Variants in RSBN1 observed in about 807,000 individuals in gnomAD.
RSBN1 encodes the protein lysine-specific demethylase 9.
A neutral mutation model predicts 74.8 loss-of-function variants in RSBN1; 23 were observed. The observed-to-expected ratio is 0.31, with a 90% confidence interval of 0.22 to 0.44. The LOEUF (loss-of-function observed/expected upper bound fraction) is 0.44, where lower values mean the gene tolerates loss of function less well. RSBN1 is among the 20% of genes least tolerant of loss of function. The pLI is 1.00. For missense variants in RSBN1, 808 were observed against 1,020.9 expected, an observed-to-expected ratio of 0.79 and a Z score of 2.84; for synonymous variants, 407 against 379.6, an observed-to-expected ratio of 1.07 and a Z score of -0.84.
At chr1:113,783,663 T>C (rs764052797) in intron 2 of RSBN1, among the ~76,000 whole-genome samples, 21 of 152,126 alleles carry the variant, frequency 1.4e-4, no homozygotes, top group Non-Finnish European at 2.5e-4. Flanking sequence ...ACATATGCAA[T>C]CTTCAGGGCA....
intron 1 of RSBN1, among the ~76,000 whole-genome samples, chr1:113,804,127 A>C (rs1217376): frequency 0.77 from 116,414 of 151,678 alleles, 45,595 homozygotes; most frequent in African/African-American, 0.9. Flanking sequence ...TCAGAAAAAA[A>C]AAAAAGTTAT....
At chr1:113,775,805 A>G (rs1660013084) in intron 4 of RSBN1, among the ~76,000 whole-genome samples, 1 of 152,250 alleles carries the variant, frequency 6.6e-6, no homozygotes, top group Non-Finnish European at 1.5e-5. Context: ...GCTATAATCT[A>G]GCAATGTGCA....
In RSBN1 at chr1:113,777,333, G is replaced by A. The variant is rs1270484102; in HGVS notation, c.1535C>T (p.Thr512Ile). 4 of 1,611,052 alleles carry A rather than the reference G, an allele frequency of 2.5e-6. No homozygotes were observed. The highest frequency in any genetic ancestry group is 2.5e-6 in the Non-Finnish European group (3 of 1,178,320). ...ACACTGGAGTCGGAGGCTAGAAAGT[G>A]TACCCCAGGGCAAAGTCATCTAGAA... ...PFLKMTLPWG[T>I]LSSLRLQCRS... Residue 512 changes from threonine to isoleucine, a missense_variant, in exon 4 of 7, where the codon ACA (threonine) becomes ATA (isoleucine). Transcript: ENST00000261441.
In RSBN1 at chr1:113,812,193, C is replaced by T; in HGVS notation, c.220G>A (p.Glu74Lys). 6.2e-7 allele frequency: 1 copy of T among 1,608,638 alleles called. No individual in the cohort carries two copies. ...GGGGAGACCCCAGCATGAGGTTTCT[C>T]CTTCCCCTCTTTGTCCGGCTCCTCC... ...AQEEPDKEGKEKPHAGVSPRG... is the reference protein window; with the variant it reads ...AQEEPDKEGKKKPHAGVSPRG... The change falls in exon 1 of 7, where the codon GAG becomes AAG. Residue 74 changes from glutamate to lysine, a missense_variant. By Grantham distance (56) the Glu-to-Lys change is moderately conservative. This residue lies in a region of RSBN1 where 464 missense variants were observed against 401.0 expected (regional missense o/e 1.16). Coordinates refer to ENST00000261441, the MANE Select transcript of RSBN1 (RefSeq NM_018364.5).
At chr1:113,807,328 AC>A (rs1442723157) in intron 1 of RSBN1, among the ~76,000 whole-genome samples, 10 of 151,640 alleles carry the variant, frequency 6.6e-5, no homozygotes, top group African/African-American at 2.2e-4. Context: ...AAAAAAAAAA[AC>A]AACCAAAATA....
intron 2 of RSBN1, among the ~76,000 whole-genome samples, chr1:113,779,365 A>G (rs1660091898): frequency 6.6e-6 from 1 of 152,212 alleles, no homozygotes; most frequent in South Asian, 2.1e-4. Context: ...ATATATACAC[A>G]GAAAAAAAGG....
Position 113,812,206 on chromosome 1 carries a change from G to A in RSBN1, c.207C>T (p.Asp69=). 1 of 1,607,892 alleles carries A rather than the reference G, an allele frequency of 6.2e-7. No homozygotes were observed. The highest frequency in any genetic ancestry group is 8.5e-7 in the Non-Finnish European group (1 of 1,179,878). Residue 69 remains aspartate (D), a synonymous_variant, in exon 1 of 7, where the codon GAC becomes GAT. Transcript: ENST00000261441. ...VRAVAAQEEP[D]KEGKEKPHAG... ...CATGAGGTTTCTCCTTCCCCTCTTT[G>A]TCCGGCTCCTCCTGCGCCGCCACCG... is the stretch of plus-strand genomic sequence containing the variant.
At chr1:113,785,947 G>C (rs144169080) in intron 2 of RSBN1, among the ~76,000 whole-genome samples, 1 of 152,314 alleles carries the variant, frequency 6.6e-6, no homozygotes, top group African/African-American at 2.4e-5. Flanking sequence ...TGAAAAGAAG[G>C]AAAGTTACCC....
intron 2 of RSBN1, among the ~76,000 whole-genome samples, chr1:113,790,730 T>G (rs1449680189): frequency 1.3e-5 from 2 of 152,198 alleles, no homozygotes; most frequent in East Asian, 3.8e-4. Context: ...TCTGAAATTC[T>G]AAAAAGATGC....
chr1:113,802,681 CT>C (rs1199894130), intron 1 of RSBN1, among the ~76,000 whole-genome samples: 1 of 151,556 alleles, frequency 6.6e-6, no homozygotes, highest in Non-Finnish European at 1.5e-5. Flanking sequence ...CTTTCTAGAA[CT>C]TTTTTTTCCC....
intron 2 of RSBN1, among the ~76,000 whole-genome samples, chr1:113,792,940 T>C (rs1438230548): frequency 6.6e-6 from 1 of 152,200 alleles, no homozygotes; most frequent in Admixed American, 6.5e-5. Context: ...AATGGACATA[T>C]AAATTTTTCT....
At position 113,812,093 on chromosome 1, in the gene RSBN1, G is replaced by A. The variant is rs764641247; in HGVS notation, c.320C>T (p.Pro107Leu). 6.3e-7 allele frequency: 1 copy of A among 1,592,648 alleles called. No individual in the cohort carries two copies. The highest frequency in any genetic ancestry group is 8.5e-7 in the Non-Finnish European group (1 of 1,170,872). Residue 107 changes from proline to leucine, a missense_variant, in exon 1 of 7, where the codon CCC becomes CTC. Transcript: ENST00000261441. ...CCGCCGGTGAGGGGGAGCGAGAGGGGGCTCCTGGCTCGGCCGCCCCCGCTT... is the reference window on the plus strand; with the variant it reads ...CCGCCGGTGAGGGGGAGCGAGAGGGAGCTCCTGGCTCGGCCGCCCCCGCTT... The part of the protein sequence containing the change: ...QEKRGRPSQE[P>L]PLAPPHRRRR...
At chr1:113,800,700 G>T (rs752932859) in intron 1 of RSBN1, among the ~76,000 whole-genome samples, 2 of 152,006 alleles carry the variant, frequency 1.3e-5, no homozygotes, top group African/African-American at 2.4e-5. Flanking sequence ...TGCGTTGATT[G>T]TAACACATTT....
intron 5 of RSBN1, 174 bp downstream of exon 5, chr1:113,768,048 G>A (rs542150884): frequency 8.3e-6 from 4 of 481,926 alleles, no homozygotes; most frequent in African/African-American, 3.9e-5. Flanking sequence ...GCTCTGTTTC[G>A]TAACAATGTA....
chr1:113,765,303 T>G lies in RSBN1; in HGVS notation c.*677A>C, dbSNP rs769480554. The G allele has an allele frequency of 1.3e-5, 2 of 152,242 alleles. No homozygotes were observed. Among genetic ancestry groups the G allele is most frequent in the East Asian group, 3.7e-4 (2 of 5,338 alleles). 9.4% of individuals were successfully genotyped at this position (152,242 alleles called of 1,614,324 possible). ...AGATTAATGAGCCATGGATAATGAA[T>G]GACCAAGGACTATTCATCTTTAGAT... On this transcript the variant is annotated 3_prime_UTR_variant, in exon 7 of 7. Transcript: ENST00000261441.
chr1:113,810,819 G>T (rs942078768), intron 1 of RSBN1, among the ~76,000 whole-genome samples: 1 of 152,110 alleles, frequency 6.6e-6, no homozygotes, highest in African/African-American at 2.4e-5. Context: ...CAAACATACG[G>T]CATAATCAAA....
At chr1:113,789,782 G>A (rs1349456106) in intron 2 of RSBN1, among the ~76,000 whole-genome samples, 1 of 152,190 alleles carries the variant, frequency 6.6e-6, no homozygotes, top group Non-Finnish European at 1.5e-5. Flanking sequence ...GTTGATTGCT[G>A]TTGTTTGAGA....
At chr1:113,796,017 T>G (rs567210060) in intron 2 of RSBN1, among the ~76,000 whole-genome samples, 5 of 152,162 alleles carry the variant, frequency 3.3e-5, no homozygotes, top group Non-Finnish European at 5.9e-5. Flanking sequence ...ATATCTTTCC[T>G]TGTTAAATAG....
chr1:113,771,315 A>C (rs1436424080), intron 4 of RSBN1, among the ~76,000 whole-genome samples: 1 of 152,078 alleles, frequency 6.6e-6, no homozygotes, highest in African/African-American at 2.4e-5. Flanking sequence ...TCAGACATAT[A>C]ATAACTCAGA....
Sources: gnomAD v4.1 joint callset for allele counts (sites outside exome capture counted in the v4.1 genomes callset) on GRCh38, gnomAD v4.1.1 for gene constraint, gnomAD v4.1.1 regional missense constraint, MANE v1.5 for transcripts, NCBI Gene and HGNC (gene_info 2026-07-23, HGNC 2026-07-21) for gene names.